TPGS1: variants seen among roughly 807,000 people sequenced by gnomAD.
The protein encoded by TPGS1 is gene trap ROSA b-geo 22.
TPGS1 carries 18 observed loss-of-function variants against 11.9 expected under a neutral mutation model. That is an observed-to-expected ratio of 1.51 (90% CI 1.04 to 2.24). TPGS1 has a LOEUF of 2.24. Among genes scored for constraint, TPGS1 ranks in the 30% most tolerant of loss-of-function variants. The pLI, the probability that TPGS1 is intolerant of heterozygous loss-of-function variation, is 0.00. For missense variants in TPGS1, 500 were observed against 443.0 expected (o/e 1.13, Z -1.16); for synonymous variants, 247 against 218.2 (o/e 1.13, Z -1.16).
chr19:507,529 G>A lies in TPGS1; in HGVS notation c.23G>A (p.Arg8Gln), dbSNP rs757951612. 3.5e-6 allele frequency: 5 copies of A among 1,421,612 alleles called. No homozygotes were observed. Among genetic ancestry groups the A allele is most frequent in the African/African-American group, 3.0e-5 (2 of 67,190 alleles). The allele number at this position is 1,421,612 out of a possible 1,614,324, so 88.1% of individuals were successfully genotyped here. MAAVEKR[R>Q]QAVPPPAGFT... ...AAGATGGCGGCAGTGGAGAAGCGGCGGCAAGCGGTACCACCGCCGGCCGGT... is the reference window on the plus strand; with the variant it reads ...AAGATGGCGGCAGTGGAGAAGCGGCAGCAAGCGGTACCACCGCCGGCCGGT... Residue 8 changes from arginine to glutamine, a missense_variant, in exon 1 of 2, where the codon CGG becomes CAG. By Grantham distance (43) the Arg-to-Gln change is conservative (BLOSUM62 1). Coordinates refer to ENST00000359315, the MANE Select transcript of TPGS1 (RefSeq NM_033513.3).
chr19:511,294 C>A (rs1168585591), intron 1 of TPGS1, among the ~76,000 whole-genome samples: 2 of 152,252 alleles, frequency 1.3e-5, no homozygotes, highest in African/African-American at 4.8e-5. Flanking sequence ...GCCCGGGAGC[C>A]CAGGAGGGGC....
Position 519,322 on chromosome 19 carries a change from C to T in TPGS1, c.772C>T (p.Arg258Cys). ...CGACAGCCTGGCGCTGGCGCTGGACCGCGCCGTCGGGGGGCGGCGGCCCAG... is the reference window on the plus strand; with the variant it reads ...CGACAGCCTGGCGCTGGCGCTGGACTGCGCCGTCGGGGGGCGGCGGCCCAG... ...GPDSLALALDRAVGGRRPSAP... is the reference protein window; with the variant it reads ...GPDSLALALDCAVGGRRPSAP... The change falls in exon 2 of 2, where the codon CGC (arginine) becomes TGC (cysteine). Residue 258 changes from arginine to cysteine, a missense_variant. Arg to Cys is a radical substitution (Grantham distance 180). Coordinates refer to ENST00000359315, the MANE Select transcript of TPGS1 (RefSeq NM_033513.3). 1.7e-6 allele frequency: 2 copies of T among 1,191,370 alleles called. No homozygotes were observed. The highest frequency in any genetic ancestry group is 4.0e-5 in the South Asian group (1 of 24,802). 73.8% of individuals were successfully genotyped at this position (1,191,370 alleles called of 1,614,324 possible).
In TPGS1 at chr19:519,531, A is replaced by G; in HGVS notation, c.*108A>G. 9.6e-7 allele frequency: 1 copy of G among 1,037,494 alleles called. No individual in the cohort carries two copies. 64.3% of individuals were successfully genotyped at this position (1,037,494 alleles called of 1,614,324 possible). On this transcript the variant is annotated 3_prime_UTR_variant, in exon 2 of 2. Coordinates refer to ENST00000359315, the MANE Select transcript of TPGS1 (RefSeq NM_033513.3). ...GAGGCCCTGCCATAACCAGGCGCCC[A>G]GCCCTGCGGAGGAGGCCGGGGCTCC...
At chr19:508,796 C>T (rs981889653) in intron 1 of TPGS1, 1 of 152,432 alleles carries the variant, frequency 6.6e-6, no homozygotes, top group African/African-American at 2.4e-5. Context: ...GGGGAGTGTC[C>T]CCCCTACCAC....
intron 1 of TPGS1, among the ~76,000 whole-genome samples, chr19:516,635 G>A (rs952651663): frequency 2.0e-5 from 3 of 152,090 alleles, no homozygotes; most frequent in Non-Finnish European, 4.4e-5. Flanking sequence ...CTCCCACCTC[G>A]GCCTCCCAAA....
At chr19:512,673 C>A (rs1978834168) in intron 1 of TPGS1, among the ~76,000 whole-genome samples, 1 of 152,224 alleles carries the variant, frequency 6.6e-6, no homozygotes, top group African/African-American at 2.4e-5. Flanking sequence ...GAGGGATCCG[C>A]GGAGCAGCGC....
At position 507,662 on chromosome 19, in the gene TPGS1, G is replaced by A; in HGVS notation, c.156G>A (p.Leu52=). The part of the protein sequence containing the change: ...VGVTEMLRAA[L]LKVLEARPEE... Reference sequence around the variant, plus strand: ...TGACGGAAATGCTACGTGCGGCCCTGCTGAAGGTGCTGGAGGCGCGGCCCG... The same window carrying A: ...TGACGGAAATGCTACGTGCGGCCCTACTGAAGGTGCTGGAGGCGCGGCCCG... The change falls in exon 1 of 2, where the codon CTG becomes CTA. Residue 52 remains leucine, a synonymous_variant. Transcript: ENST00000359315. 7.2e-7 allele frequency: 1 copy of A among 1,386,288 alleles called. No individual in the cohort carries two copies. Among genetic ancestry groups the A allele is most frequent in the Non-Finnish European group, 9.5e-7 (1 of 1,056,924 alleles). 85.9% of individuals were successfully genotyped at this position (1,386,288 alleles called of 1,614,324 possible).
At chr19:513,457 G>A (rs1213580465) in intron 1 of TPGS1, among the ~76,000 whole-genome samples, 1 of 152,146 alleles carries the variant, frequency 6.6e-6, no homozygotes. Flanking sequence ...CGCTGAGATG[G>A]CACGTCCATC....
In TPGS1 at chr19:507,842, G is replaced by T. The variant is rs899705374; in HGVS notation, c.336G>T (p.Gln112His). ...LWHLRLAHHS[Q>H]RAAFNNNVSV... is the part of the protein sequence containing the mutation. ...ACCTTCGCCTGGCCCACCACTCCCA[G>T]AGGTGCGCAGTGGGCCGGCTTGGGC... is the stretch of plus-strand genomic sequence containing the variant. Residue 112 changes from glutamine to histidine, a missense_variant and splice_region_variant, in exon 1 of 2, where the codon CAG (glutamine) becomes CAT (histidine). By Grantham distance (24) the Gln-to-His change is conservative (BLOSUM62 0). Transcript: ENST00000359315. The T allele has an allele frequency of 2.3e-6, 3 of 1,332,132 alleles. No homozygotes were observed. The highest frequency in any genetic ancestry group is 2.9e-6 in the Non-Finnish European group (3 of 1,042,184). The allele number at this position is 1,332,132 out of a possible 1,614,324, so 82.5% of individuals were successfully genotyped here.
At chr19:515,043 G>A (rs935834108) in intron 1 of TPGS1, among the ~76,000 whole-genome samples, 42 of 152,234 alleles carry the variant, frequency 2.8e-4, no homozygotes, top group African/African-American at 9.6e-4. Flanking sequence ...GGGCCAGATA[G>A]TGAACATTTC....
chr19:518,030 G>T, intron 1 of TPGS1, among the ~76,000 whole-genome samples: 1 of 115,616 alleles, frequency 8.6e-6, no homozygotes, highest in Non-Finnish European at 1.8e-5. Context: ...GGTGGGGAGG[G>T]GAGGCCCAGG....
chr19:518,796 G>A (rs1257805238), intron 1 of TPGS1, 93 bp from the exon 2 acceptor site: 1 of 1,341,262 alleles, frequency 7.5e-7, no homozygotes, highest in African/African-American at 1.6e-5. Context: ...CTGGGGGGTC[G>A]GGGAGGCTAG....
At position 519,032 on chromosome 19, in the gene TPGS1, T is replaced by C; in HGVS notation, c.482T>C (p.Val161Ala). The C allele has an allele frequency of 6.4e-7, 1 of 1,554,874 alleles. No individual in the cohort carries two copies. The highest frequency in any genetic ancestry group is 8.6e-7 in the Non-Finnish European group (1 of 1,156,736). ...CRDGQAPEEV[V>A]APLLRKVQCR... ...GACGGCCAAGCCCCCGAGGAGGTGG[T>C]GGCGCCGCTGCTGCGCAAGGTGCAG... Residue 161 changes from valine to alanine, a missense_variant, in exon 2 of 2, where the codon GTG becomes GCG. By Grantham distance (64) the Val-to-Ala change is moderately conservative. Transcript: ENST00000359315.
rs1301718665 is a variant in TPGS1 at position 518,172 on chromosome 19, G to A, written c.339-717G>A. Among the ~76,000 whole-genome samples, 70 of 75,962 alleles carry A rather than the reference G, an allele frequency of 9.2e-4. 1 individual carries two copies. Among genetic ancestry groups the A allele is most frequent in the African/African-American group, 3.8e-3 (66 of 17,248 alleles). 49.8% of individuals were successfully genotyped at this position (75,962 alleles called of 152,430 possible). A position where few individuals can be genotyped will look rare whatever the true frequency, so the allele number is the denominator to read the frequency against. On this transcript the variant is annotated intron_variant, in intron 1 of 1. Coordinates refer to ENST00000359315, the MANE Select transcript of TPGS1 (RefSeq NM_033513.3). ...GGGAGGAGGGAGGCCCAGGCTGGGAGTGCTGGTGGGGTGGGGAGGGGAGGC... is the reference window on the plus strand; with the variant it reads ...GGGAGGAGGGAGGCCCAGGCTGGGAATGCTGGTGGGGTGGGGAGGGGAGGC...
chr19:513,553 G>A (rs1254717124), intron 1 of TPGS1, among the ~76,000 whole-genome samples: 1 of 151,980 alleles, frequency 6.6e-6, no homozygotes, highest in Admixed American at 6.5e-5. Context: ...GCATTACTGA[G>A]CACCTACTGT....
At chr19:511,659 C>T (rs1978799594) in intron 1 of TPGS1, among the ~76,000 whole-genome samples, 1 of 152,256 alleles carries the variant, frequency 6.6e-6, no homozygotes, top group African/African-American at 2.4e-5. Flanking sequence ...CACCGAGGGG[C>T]CGCGTGGATG....
intron 1 of TPGS1, among the ~76,000 whole-genome samples, chr19:511,753 G>A (rs1004170049): frequency 2.6e-5 from 4 of 152,224 alleles, no homozygotes; most frequent in African/African-American, 4.8e-5. Context: ...GGGTAATCCC[G>A]GCCCACAGAC....
chr19:512,409 T>A (rs570888366), intron 1 of TPGS1, among the ~76,000 whole-genome samples: 8 of 151,328 alleles, frequency 5.3e-5, no homozygotes, highest in African/African-American at 1.9e-4. Context: ...GCAATCCTCC[T>A]GCCTCGGCCT....
At chr19:515,897 T>C (rs1340300323) in intron 1 of TPGS1, among the ~76,000 whole-genome samples, 3 of 151,734 alleles carry the variant, frequency 2.0e-5, no homozygotes, top group African/African-American at 7.3e-5. Context: ...CCGGGCATAG[T>C]GGCGGACGCC....
Sources: allele counts gnomAD v4.1 joint callset (sites outside exome capture counted in the v4.1 genomes callset), GRCh38; gene constraint gnomAD v4.1.1; transcripts MANE v1.5; gene names NCBI Gene and HGNC (gene_info 2026-07-23, HGNC 2026-07-21).